HIVEP3: variants seen among roughly 807,000 people sequenced by gnomAD.
The protein encoded by HIVEP3 is HIVEP zinc finger 3.
Under a neutral mutation model 152.8 loss-of-function variants are expected in HIVEP3, and 49 were observed. The ratio of observed to expected loss-of-function variants is 0.32; its 90% CI spans 0.26 to 0.41. The LOEUF is 0.41. Ranked by LOEUF, HIVEP3 falls within the 10% of genes least tolerant of loss-of-function variation. The pLI, the probability that HIVEP3 is intolerant of heterozygous loss-of-function variation, is 1.00. For synonymous variants in HIVEP3, 1,269 were observed against 1,289.0 expected (o/e 0.98, Z 0.33); for missense variants, 2,790 against 3,103.3 (o/e 0.90, Z 2.40).
intron 5 of HIVEP3, among the ~76,000 whole-genome samples, chr1:41,570,827 C>G (rs1314371620): frequency 6.6e-6 from 1 of 152,168 alleles, no homozygotes; most frequent in Non-Finnish European, 1.5e-5. Context: ...AAAGGCCCAC[C>G]TTGAATAGGT....
chr1:41,941,462 G>A (rs763548330), intron 1 of HIVEP3, among the ~76,000 whole-genome samples: 3 of 152,162 alleles, frequency 2.0e-5, no homozygotes, highest in Non-Finnish European at 4.4e-5. Context: ...GAAAGGGGGT[G>A]TAAATGCCTG....
chr1:41,529,788 TCATA>T (rs1264201943), intron 5 of HIVEP3, among the ~76,000 whole-genome samples: 5 of 117,520 alleles, frequency 4.3e-5, no homozygotes, highest in Non-Finnish European at 7.1e-5. Flanking sequence ...CCCCACACAC[TCATA>T]CATACACATA....
chr1:42,020,345 G>A (rs1490546522), intron 1 of HIVEP3, among the ~76,000 whole-genome samples: 3 of 151,986 alleles, frequency 2.0e-5, no homozygotes, highest in Admixed American at 2.0e-4. Flanking sequence ...TTGTTTGTCT[G>A]CTGTTTGATG....
chr1:41,646,281 C>T (rs536877361), intron 2 of HIVEP3, among the ~76,000 whole-genome samples: 1 of 152,192 alleles, frequency 6.6e-6, no homozygotes, highest in Admixed American at 6.5e-5. Flanking sequence ...GGCTCAAGAT[C>T]CAAGTTACCA....
chr1:41,789,036 C>T (rs6691753), intron 1 of HIVEP3, among the ~76,000 whole-genome samples: 1 of 152,198 alleles, frequency 6.6e-6, no homozygotes, highest in Non-Finnish European at 1.5e-5. Flanking sequence ...GTCAGGACAA[C>T]CCTGTGCTCT....
chr1:41,518,554 A>T lies in HIVEP3; in HGVS notation c.5384-66T>A. ...GGAGGCCAGGGCGGACCCAGGGCTCATGGAGGTAGCACCTGGCCGGCAGGC... is the reference window on the plus strand; with the variant it reads ...GGAGGCCAGGGCGGACCCAGGGCTCTTGGAGGTAGCACCTGGCCGGCAGGC... On this transcript the variant is annotated intron_variant, in intron 6 of 8. Transcript: ENST00000372583. The T allele has an allele frequency of 3.5e-6, 5 of 1,436,770 alleles. No homozygotes were observed. The South Asian group carries it at 5.7e-5, about 16-fold the overall frequency. 89.0% of individuals were successfully genotyped at this position (1,436,770 alleles called of 1,614,324 possible). A position where few individuals can be genotyped will look rare whatever the true frequency, so the allele number is the denominator to read the frequency against.
chr1:41,827,986 G>T (rs1020063103), intron 1 of HIVEP3, among the ~76,000 whole-genome samples: 2 of 152,084 alleles, frequency 1.3e-5, no homozygotes, highest in Non-Finnish European at 2.9e-5. Flanking sequence ...TCACTCCTAG[G>T]ACAGCTCTCT....
chr1:41,899,075 C>T (rs934887316), intron 1 of HIVEP3, among the ~76,000 whole-genome samples: 1 of 152,192 alleles, frequency 6.6e-6, no homozygotes, highest in African/African-American at 2.4e-5. Flanking sequence ...GGAAAGAAAA[C>T]AAAACTGTTA....
intron 5 of HIVEP3, among the ~76,000 whole-genome samples, chr1:41,553,576 T>C (rs1439804454): frequency 3.9e-5 from 6 of 152,272 alleles, no homozygotes; most frequent in Non-Finnish European, 8.8e-5. Flanking sequence ...TGTTAGTTGA[T>C]GCAGTTTCTT....
chr1:41,651,461 G>T (rs1645548734), intron 2 of HIVEP3, among the ~76,000 whole-genome samples: 1 of 149,072 alleles, frequency 6.7e-6, no homozygotes. Context: ...AGCCAAACTT[G>T]AATTTGTTGT....
In HIVEP3 at chr1:41,735,834, A is replaced by G. The variant is rs1646909579; in HGVS notation, c.-800-34839T>C. Among the ~76,000 whole-genome samples the G allele has an allele frequency of 2.0e-5, 3 of 152,116 alleles. No homozygotes were observed. The South Asian group carries it at 6.2e-4, about 32-fold the overall frequency. Reference sequence around the variant, plus strand: ...CTTGGCGCCTCCCTCCCTCCCTGCCATTCATGCACTGAGAGATTGCATTTC... The same window carrying G: ...CTTGGCGCCTCCCTCCCTCCCTGCCGTTCATGCACTGAGAGATTGCATTTC... On this transcript the variant is annotated intron_variant, in intron 1 of 8. Transcript: ENST00000372583.
chr1:41,981,213 C>T (rs1455273318), intron 1 of HIVEP3, among the ~76,000 whole-genome samples: 1 of 152,162 alleles, frequency 6.6e-6, no homozygotes, highest in African/African-American at 2.4e-5. Context: ...CCAAAGGGAG[C>T]AAGCTCTTAC....
intron 6 of HIVEP3, 116 bp downstream of exon 6, chr1:41,524,619 G>A: frequency 1.0e-6 from 1 of 957,022 alleles, no homozygotes; most frequent in Admixed American, 1.9e-5. Context: ...CCCAGGAAAT[G>A]GGGCTGCTCC....
intron 1 of HIVEP3, among the ~76,000 whole-genome samples, chr1:41,754,393 C>G: frequency 6.6e-6 from 1 of 152,162 alleles, no homozygotes; most frequent in East Asian, 1.9e-4. Context: ...GGGAGGCTAT[C>G]ACAACAATAG....
intron 1 of HIVEP3, among the ~76,000 whole-genome samples, chr1:41,959,887 A>C (rs950373705): frequency 3.3e-5 from 5 of 152,060 alleles, no homozygotes; most frequent in Non-Finnish European, 5.9e-5. Flanking sequence ...AAGAGTAGGC[A>C]AAAAAACTGA....
At chr1:41,824,818 GAAAGAGAGAGAGAGA>G (rs1642744923) in intron 1 of HIVEP3, among the ~76,000 whole-genome samples, 2 of 12,190 alleles carry the variant, frequency 1.6e-4, no homozygotes, top group African/African-American at 2.6e-4. Flanking sequence ...GAGAGAGAGA[GAAAGAGAGAGAGAGA>G]GAGAGAGAGT....
rs368752896 is a variant in HIVEP3, at chr1:41,567,137, A to G, written c.5207+8407T>C. On this transcript the variant is annotated intron_variant, in intron 5 of 8. Transcript: ENST00000372583. ...GACCTATTTTTCACTTCCCTCCTCCATCCCTTCTCACCCCATAAAGGGCAC... is the reference window on the plus strand; with the variant it reads ...GACCTATTTTTCACTTCCCTCCTCCGTCCCTTCTCACCCCATAAAGGGCAC... 4.6e-5 allele frequency among the ~76,000 whole-genome samples: 7 copies of G among 152,020 alleles called. No individual in the cohort carries two copies. The East Asian group carries it at 1.4e-3, about 29-fold the overall frequency.
chr1:41,997,650 T>C (rs1645403625), intron 1 of HIVEP3, among the ~76,000 whole-genome samples: 1 of 152,248 alleles, frequency 6.6e-6, no homozygotes, highest in Non-Finnish European at 1.5e-5. Flanking sequence ...GTACTTGTTC[T>C]AATTCTCTAA....
chr1:41,863,627 T>C (rs1049565861), intron 1 of HIVEP3, among the ~76,000 whole-genome samples: 9 of 152,232 alleles, frequency 5.9e-5, no homozygotes, highest in Non-Finnish European at 1.3e-4. Flanking sequence ...ATTCTGGTTC[T>C]CCAGCGGAGG....
Sources: allele counts gnomAD v4.1 joint callset (sites outside exome capture counted in the v4.1 genomes callset), GRCh38; gene constraint gnomAD v4.1.1; transcripts MANE v1.5; gene names NCBI Gene and HGNC (gene_info 2026-07-23, HGNC 2026-07-21).